The following PCDHGB4 variants were observed in gnomAD, a reference collection of about 807,000 sequenced individuals.
PCDHGB4 encodes protocadherin gamma subfamily B, 4.
PCDHGB4 carries 38 observed loss-of-function variants against 60.5 expected under a neutral mutation model. That is an observed-to-expected ratio of 0.63 (90% confidence interval 0.48 to 0.82). The LOEUF (loss-of-function observed/expected upper bound fraction) is 0.82. Ranked by LOEUF, PCDHGB4 falls within the 40% of genes least tolerant of loss-of-function variation. The pLI is 0.00. For missense variants in PCDHGB4, 1,109 were observed against 1,209.6 expected (o/e 0.92, Z 1.23); for synonymous variants, 456 against 509.7 (o/e 0.89, Z 1.42).
At chr5:141,472,455 G>A (rs191633108) in intron 1 of PCDHGB4, among the ~76,000 whole-genome samples, 2 of 151,972 alleles carry the variant, frequency 1.3e-5, no homozygotes, top group South Asian at 2.1e-4. Context: ...CAGGAGAATC[G>A]CTTGAACCCA....
chr5:141,418,986 C>T, intron 1 of PCDHGB4: 1 of 1,613,930 alleles, frequency 6.2e-7, no homozygotes, highest in Non-Finnish European at 8.5e-7. Context: ...GACCAAGACT[C>T]AGGGGAAAAT....
Position 141,436,609 on chromosome 5 carries a change from A to G in PCDHGB4, c.2397+46328A>G, listed in dbSNP as rs182981534. On this transcript the variant is annotated intron_variant, in intron 1 of 3. Coordinates refer to ENST00000519479, the MANE Select transcript of PCDHGB4 (RefSeq NM_003736.4). ...AAAGGTCGTGGTGATGGCTAGGGCT[A>G]ACAAAAATCTGATTCACAACATGCA... Among the ~76,000 whole-genome samples, 5 of 152,334 alleles carry G rather than the reference A, an allele frequency of 3.3e-5. No homozygotes were observed. The East Asian group carries it at 5.8e-4, about 18-fold the overall frequency.
rs369319162 is a variant in PCDHGB4, at chr5:141,389,508, G to A, written c.1624G>A (p.Ala542Thr). ...ARDQGSPALS[A>T]NVSLRVLVDD... ...CGACCAGGGCTCGCCAGCGCTCAGC[G>A]CGAACGTGAGCCTGCGCGTGTTAGT... is the stretch of plus-strand genomic sequence containing the variant. The change falls in exon 1 of 4, where the codon GCG (alanine) becomes ACG (threonine). Residue 542 changes from alanine (A) to threonine (T), a missense_variant. Coordinates refer to ENST00000519479, the MANE Select transcript of PCDHGB4 (RefSeq NM_003736.4). 1.9e-6 allele frequency: 3 copies of A among 1,613,090 alleles called. No individual in the cohort carries two copies. The highest frequency in any genetic ancestry group is 2.5e-6 in the Non-Finnish European group (3 of 1,179,744).
At chr5:141,393,102 G>C (rs768432261) in intron 1 of PCDHGB4, 2 of 1,613,568 alleles carry the variant, frequency 1.2e-6, no homozygotes, top group Non-Finnish European at 1.7e-6. Context: ...GGAGCTCTGC[G>C]CTCAGAGCCC....
At chr5:141,497,214 G>C (rs929868102) in intron 2 of PCDHGB4, among the ~76,000 whole-genome samples, 2 of 152,138 alleles carry the variant, frequency 1.3e-5, no homozygotes, top group African/African-American at 4.8e-5. Flanking sequence ...TGTAATGGGG[G>C]GGGGAAGATC....
At position 141,477,966 on chromosome 5, in the gene PCDHGB4, G is replaced by T; in HGVS notation, c.2398-16841G>T. 1 of 1,614,118 alleles carries T rather than the reference G, an allele frequency of 6.2e-7. No individual in the cohort carries two copies. The highest frequency in any genetic ancestry group is 8.5e-7 in the Non-Finnish European group (1 of 1,180,036). On this transcript the variant is annotated intron_variant, in intron 1 of 3. Coordinates refer to ENST00000519479, the MANE Select transcript of PCDHGB4 (RefSeq NM_003736.4). This position sits in a 1 kb window ranked among gnomAD's most constrained non-coding sequence, Gnocchi z 4.9. ...AGTCTCTTGGGATCCCCTAACCAGA[G>T]CCTTTTTGCCATAGGGCTGCACACT...
intron 1 of PCDHGB4, among the ~76,000 whole-genome samples, chr5:141,456,702 C>A (rs1185842343): frequency 6.6e-6 from 1 of 152,062 alleles, no homozygotes; most frequent in African/African-American, 2.4e-5. Flanking sequence ...TGGTGGCTCG[C>A]GCCTGTAATC....
At position 141,485,402 on chromosome 5, in the gene PCDHGB4, G is replaced by T. The variant is rs375700791; in HGVS notation, c.2398-9405G>T. ...AGAGGTGAACCAAAGACACTTCCGTGTGGATTTGGACAGCGGAGCCCTGCT... is the reference window on the plus strand; with the variant it reads ...AGAGGTGAACCAAAGACACTTCCGTTTGGATTTGGACAGCGGAGCCCTGCT... On this transcript the variant is annotated intron_variant, in intron 1 of 3. Coordinates refer to ENST00000519479, the MANE Select transcript of PCDHGB4 (RefSeq NM_003736.4). This position sits in a 1 kb window ranked among gnomAD's most constrained non-coding sequence, Gnocchi z 5.7. The T allele has an allele frequency of 6.2e-7, 1 of 1,614,194 alleles. No homozygotes were observed. Among genetic ancestry groups the T allele is most frequent in the East Asian group, 2.2e-5 (1 of 44,878 alleles).
chr5:141,476,535 T>C lies in PCDHGB4; in HGVS notation c.2398-18272T>C. 5 of 1,614,038 alleles carry C rather than the reference T, an allele frequency of 3.1e-6. No individual in the cohort carries two copies. The highest frequency in any genetic ancestry group is 4.2e-6 in the Non-Finnish European group (5 of 1,180,010). On this transcript the variant is annotated intron_variant, in intron 1 of 3. Coordinates refer to ENST00000519479, the MANE Select transcript of PCDHGB4 (RefSeq NM_003736.4). The surrounding 1 kb of genome is among the most constrained non-coding windows in gnomAD (Gnocchi z 7.6). ...AATCCTGCTTTCCCTACCCAGGAAA[T>C]GAAATTGGAGATTAGCGAGGCCGTG...
rs1177814811 is a variant in PCDHGB4 at position 141,511,841 on chromosome 5, CTGTTT to C, written c.*675_*679del. The C allele has an allele frequency of 3.2e-5, 5 of 156,826 alleles. No homozygotes were observed. Among genetic ancestry groups the C allele is most frequent in the African/African-American group, 4.8e-5 (2 of 41,458 alleles). The allele number at this position is 156,826 out of a possible 1,614,324, so 9.7% of individuals were successfully genotyped here. ...TCCCAACGCCCTGGGGACCAGTCTT[CTGTTT>C]TGTTTTTCATTGTTTGACGTTTCCA... On this transcript the variant is annotated 3_prime_UTR_variant, in exon 4 of 4. Coordinates refer to ENST00000519479, the MANE Select transcript of PCDHGB4 (RefSeq NM_003736.4).
intron 1 of PCDHGB4, chr5:141,410,274 A>G: frequency 4.3e-6 from 7 of 1,613,948 alleles, no homozygotes; most frequent in Non-Finnish European, 5.9e-6. Context: ...CTGCAGTTTT[A>G]CCTGGTGGTG....
rs756237595 is a variant in PCDHGB4, at chr5:141,398,946, C to T, written c.2397+8665C>T. The T allele has an allele frequency of 1.9e-6, 3 of 1,613,830 alleles. No individual in the cohort carries two copies. The Admixed American group carries it at 5.0e-5, about 27-fold the overall frequency. ...CAGCCACTGACCAAGACGAGGGCAT[C>T]AACTCAGAAATTACTTATTCCTTCT... On this transcript the variant is annotated intron_variant, in intron 1 of 3. Coordinates refer to ENST00000519479, the MANE Select transcript of PCDHGB4 (RefSeq NM_003736.4).
chr5:141,422,259 C>T (rs751340056), intron 1 of PCDHGB4: 2 of 1,565,034 alleles, frequency 1.3e-6, no homozygotes, highest in Non-Finnish European at 1.7e-6. Flanking sequence ...TGAATGATAA[C>T]GCTCCAGAAA....
intron 1 of PCDHGB4, among the ~76,000 whole-genome samples, chr5:141,436,410 G>T (rs2154557099): frequency 6.6e-6 from 1 of 152,200 alleles, no homozygotes; most frequent in East Asian, 1.9e-4. Flanking sequence ...TTGAATGAAT[G>T]GATAAACAAA....
chr5:141,410,086 G>C (rs759204005), intron 1 of PCDHGB4: 1 of 1,612,588 alleles, frequency 6.2e-7, no homozygotes, highest in Non-Finnish European at 8.5e-7. Flanking sequence ...AGGTGCGCAC[G>C]GCTCGAGCCT....
rs1390648430 is a variant in PCDHGB4, at chr5:141,389,631, G to A, written c.1747G>A (p.Gly583Ser). The stretch of plus-strand genomic sequence containing the variant: ...TATGGTGCCGCACGCTGCAGAGCCT[G>A]GCTACTTGGTGACCAAGGTAGTGGC... ...FDMVPHAAEP[G>S]YLVTKVVAVD... Residue 583 changes from glycine (G) to serine (S), a missense_variant, in exon 1 of 4, where the codon GGC becomes AGC. By Grantham distance (56) the Gly-to-Ser change is moderately conservative. Transcript: ENST00000519479. 15 of 1,612,998 alleles carry A rather than the reference G, an allele frequency of 9.3e-6. No homozygotes were observed. Among genetic ancestry groups the A allele is most frequent in the African/African-American group, 1.3e-5 (1 of 75,054 alleles).
chr5:141,405,041 G>A (rs1276032851), intron 1 of PCDHGB4: 1 of 1,613,976 alleles, frequency 6.2e-7, no homozygotes, highest in Non-Finnish European at 8.5e-7. Flanking sequence ...CGTTGTGGCT[G>A]TGGCAGTCGT....
chr5:141,492,458 G>A (rs1333043781), intron 1 of PCDHGB4, among the ~76,000 whole-genome samples: 1 of 152,230 alleles, frequency 6.6e-6, no homozygotes, highest in Non-Finnish European at 1.5e-5. Flanking sequence ...GTGCGCGCCT[G>A]AGGGTCCCAG....
chr5:141,419,304 G>T, intron 1 of PCDHGB4: 1 of 1,613,994 alleles, frequency 6.2e-7, no homozygotes, highest in Non-Finnish European at 8.5e-7. Context: ...CCAGACTTCG[G>T]GCTCAACGGC....
Sources: allele counts gnomAD v4.1 joint callset (sites outside exome capture counted in the v4.1 genomes callset), GRCh38; gene constraint gnomAD v4.1.1; non-coding constraint Gnocchi (gnomAD v3.1); transcripts MANE v1.5; gene names NCBI Gene and HGNC (gene_info 2026-07-23, HGNC 2026-07-21).